LRBA: variants seen among roughly 807,000 people sequenced by gnomAD.
LRBA encodes the protein LPS responsive beige-like anchor protein, also known as lipopolysaccharide-responsive and beige-like anchor protein.
Under a neutral mutation model 330.0 loss-of-function variants are expected in LRBA, and 176 were observed. The observed-to-expected ratio is 0.53, with a 90% CI of 0.47 to 0.60. LRBA has a LOEUF of 0.60. LRBA is among the 20% of genes least tolerant of loss of function. LRBA has a pLI of 0.00. For missense variants in LRBA, 3,259 were observed against 3,444.8 expected (o/e 0.95, Z 1.35); for synonymous variants, 1,230 against 1,193.0 (o/e 1.03, Z -0.64).
chr4:150,533,132 A>G (rs1351010904), intron 40 of LRBA, among the ~76,000 whole-genome samples: 2 of 152,162 alleles, frequency 1.3e-5, no homozygotes, highest in African/African-American at 4.8e-5. Flanking sequence ...GACAATATCA[A>G]TATTTGAGCA....
chr4:150,343,029 GA>G (rs1163468672), intron 48 of LRBA, among the ~76,000 whole-genome samples: 1 of 137,142 alleles, frequency 7.3e-6, no homozygotes, highest in Non-Finnish European at 1.5e-5. Context: ...AGATTCTGAA[GA>G]AAAGAGAGGC....
chr4:150,268,693 T>C (rs891470096), intron 56 of LRBA, among the ~76,000 whole-genome samples: 2 of 150,834 alleles, frequency 1.3e-5, no homozygotes, highest in South Asian at 2.1e-4. Context: ...AAATTTGACA[T>C]GTGACAAAAT....
intron 17 of LRBA, among the ~76,000 whole-genome samples, chr4:150,883,883 A>G (rs1420214368): frequency 6.6e-6 from 1 of 152,238 alleles, no homozygotes; most frequent in Non-Finnish European, 1.5e-5. Context: ...AAATTAAAAC[A>G]TACTATAAAA....
intron 26 of LRBA, among the ~76,000 whole-genome samples, chr4:150,846,105 T>C (rs1749802152): frequency 6.6e-6 from 1 of 152,116 alleles, no homozygotes; most frequent in South Asian, 2.1e-4. Context: ...TTTGCAGCAA[T>C]ATAGATGGAA....
At chr4:150,791,160 C>T (rs1560821956) in intron 34 of LRBA, among the ~76,000 whole-genome samples, 1 of 152,116 alleles carries the variant, frequency 6.6e-6, no homozygotes, top group African/African-American at 2.4e-5. Context: ...CATGTTGTTG[C>T]CCAGGCTGGT....
At chr4:150,918,295 G>T (rs567875318) in intron 5 of LRBA, among the ~76,000 whole-genome samples, 1 of 151,968 alleles carries the variant, frequency 6.6e-6, no homozygotes, top group South Asian at 2.1e-4. Flanking sequence ...TTTTAAAATG[G>T]GCAAAAGATC....
At chr4:150,296,921 G>A (rs1398913645) in intron 53 of LRBA, among the ~76,000 whole-genome samples, 18 of 54,082 alleles carry the variant, frequency 3.3e-4, no homozygotes, top group Admixed American at 7.1e-4. Context: ...CACCCCCACC[G>A]CCGGCACAGA....
intron 37 of LRBA, among the ~76,000 whole-genome samples, chr4:150,618,871 TAC>T (rs1776034157): frequency 7.6e-6 from 1 of 130,822 alleles, no homozygotes. Context: ...TATATATATA[TAC>T]ACACATACAC....
At chr4:150,965,046 T>C (rs1269995669) in intron 2 of LRBA, among the ~76,000 whole-genome samples, 1 of 152,102 alleles carries the variant, frequency 6.6e-6, no homozygotes, top group Admixed American at 6.5e-5. Flanking sequence ...GAGAATAAAT[T>C]AATATAATCC....
chr4:150,678,636 T>C (rs1782782199), intron 37 of LRBA, among the ~76,000 whole-genome samples: 1 of 152,158 alleles, frequency 6.6e-6, no homozygotes, highest in Non-Finnish European at 1.5e-5. Flanking sequence ...CTCTCCTTCT[T>C]ATGAAAGGGG....
intron 22 of LRBA, among the ~76,000 whole-genome samples, chr4:150,865,157 C>T (rs1752514359): frequency 6.6e-6 from 1 of 152,032 alleles, no homozygotes; most frequent in Non-Finnish European, 1.5e-5. Context: ...AAAGTCAACC[C>T]TATTTTTCTT....
chr4:150,287,675 A>G (rs1269449394), intron 53 of LRBA, among the ~76,000 whole-genome samples: 1 of 152,196 alleles, frequency 6.6e-6, no homozygotes, highest in African/African-American at 2.4e-5. Flanking sequence ...TTTGCACCAC[A>G]CTGGCGTGCT....
At chr4:151,009,028 A>ATATATATATATAT (rs1162834506) in intron 2 of LRBA, among the ~76,000 whole-genome samples, 2 of 12,346 alleles carry the variant, frequency 1.6e-4, no homozygotes, top group African/African-American at 6.9e-4. Context: ...TATATATATA[A>ATATATATATATAT]AATGGTATTT....
intron 40 of LRBA, among the ~76,000 whole-genome samples, chr4:150,556,230 C>G (rs10009219): frequency 0.081 from 12,343 of 152,142 alleles, 877 homozygotes; most frequent in East Asian, 0.18. Context: ...ACAGTTAACA[C>G]TTATTTTTAT....
At chr4:150,974,671 A>G (rs1739950032) in intron 2 of LRBA, among the ~76,000 whole-genome samples, 2 of 152,184 alleles carry the variant, frequency 1.3e-5, no homozygotes, top group Admixed American at 1.3e-4. Context: ...GCTGACAGAA[A>G]CCTTGTCTTT....
chr4:150,596,472 C>G (rs1251694131), intron 38 of LRBA, among the ~76,000 whole-genome samples: 1 of 151,710 alleles, frequency 6.6e-6, no homozygotes, highest in East Asian at 1.9e-4. Context: ...TTAAAATGTC[C>G]TATCTCCTTA....
Position 150,487,837 on chromosome 4 carries a change from A to T in LRBA, c.6449-3T>A. The T allele has an allele frequency of 6.6e-7, 1 of 1,524,488 alleles. No homozygotes were observed. The highest frequency in any genetic ancestry group is 9.0e-7 in the Non-Finnish European group (1 of 1,109,442). The allele number at this position is 1,524,488 out of a possible 1,614,324, so 94.4% of individuals were successfully genotyped here. A position where few individuals can be genotyped will look rare whatever the true frequency, so the allele number is the denominator to read the frequency against. ...TGGGAAGTTGAACATCACAGCAACTACAACAGATGATTTTTAAAAATTAGA... is the reference window on the plus strand; with the variant it reads ...TGGGAAGTTGAACATCACAGCAACTTCAACAGATGATTTTTAAAAATTAGA... On this transcript the variant is annotated splice_region_variant and splice_polypyrimidine_tract_variant and intron_variant, in intron 41 of 56. Coordinates refer to ENST00000651943, the MANE Select transcript of LRBA (RefSeq NM_001364905.1).
At chr4:150,616,189 T>C (rs1025700894) in intron 37 of LRBA, among the ~76,000 whole-genome samples, 4 of 152,182 alleles carry the variant, frequency 2.6e-5, no homozygotes, top group South Asian at 4.1e-4. Context: ...ACAGGATATA[T>C]AATTCGAGAG....
intron 47 of LRBA, among the ~76,000 whole-genome samples, chr4:150,405,157 T>C (rs540832418): frequency 4.6e-5 from 7 of 152,284 alleles, no homozygotes; most frequent in African/African-American, 1.4e-4. Flanking sequence ...AAGAGAACTT[T>C]GAATGCTGAC....
Sources: allele counts gnomAD v4.1 joint callset (sites outside exome capture counted in the v4.1 genomes callset), GRCh38; gene constraint gnomAD v4.1.1; transcripts MANE v1.5; gene names NCBI Gene and HGNC (gene_info 2026-07-23, HGNC 2026-07-21).